C2orf76: variants seen among roughly 807,000 people sequenced by gnomAD.
C2orf76 encodes chromosome 2 open reading frame 76.
A neutral mutation model predicts 16.9 loss-of-function variants in C2orf76; 23 were observed. The ratio of observed to expected loss-of-function variants is 1.36; its 90% CI spans 0.98 to 1.93. The LOEUF is 1.93. Among genes scored for constraint, C2orf76 ranks in the 30% most tolerant of loss-of-function variants. C2orf76 has a pLI of 0.00. For synonymous variants in C2orf76, 48 were observed against 52.3 expected (o/e 0.92, Z 0.35); for missense variants, 152 against 152.6 (o/e 1.00, Z 0.02).
the C2orf76 span, among the ~76,000 whole-genome samples, chr2:119,285,497 G>C: frequency 0.33 from 49,699 of 152,018 alleles, 8,338 homozygotes; most frequent in Non-Finnish European, 0.38. Context: ...TTCATGTGTT[G>C]CGTCCTCAGT....
At chr2:119,357,291 T>C (rs866283384) in intron 1 of C2orf76, among the ~76,000 whole-genome samples, 2 of 152,092 alleles carry the variant, frequency 1.3e-5, no homozygotes, top group Admixed American at 1.3e-4. Context: ...CTTATGAATA[T>C]AGACATGAAA....
chr2:119,317,992 G>A (rs541568333), intron 3 of C2orf76, among the ~76,000 whole-genome samples: 5 of 152,026 alleles, frequency 3.3e-5, no homozygotes, highest in South Asian at 4.2e-4. Context: ...TAGGACCACC[G>A]GGAATCTGAG....
chr2:119,350,190 A>G (rs928343761), intron 1 of C2orf76, among the ~76,000 whole-genome samples: 3 of 152,038 alleles, frequency 2.0e-5, no homozygotes, highest in Admixed American at 2.0e-4. Context: ...ATCTTGCACT[A>G]GAGACACAGG....
At chr2:119,340,019 T>C in intron 1 of C2orf76, 48 bp from the exon 2 acceptor site, 6 of 1,580,442 alleles carry the variant, frequency 3.8e-6, no homozygotes, top group Non-Finnish European at 5.2e-6. Flanking sequence ...AGCTCACAGT[T>C]GTCTACCAGC....
At chr2:119,334,510 G>C (rs568003554) in intron 2 of C2orf76, among the ~76,000 whole-genome samples, 1 of 150,418 alleles carries the variant, frequency 6.6e-6, no homozygotes, top group Non-Finnish European at 1.5e-5. Flanking sequence ...GGGCAACACA[G>C]CAAAACCCCG....
intron 1 of C2orf76, among the ~76,000 whole-genome samples, chr2:119,345,092 T>C (rs1388933918): frequency 6.6e-6 from 1 of 152,132 alleles, no homozygotes; most frequent in East Asian, 1.9e-4. Flanking sequence ...TTTATAATCT[T>C]AAGATAGGAA....
chr2:119,305,062 T>C (rs1573616326), intron 5 of C2orf76, among the ~76,000 whole-genome samples: 1 of 152,210 alleles, frequency 6.6e-6, no homozygotes, highest in Non-Finnish European at 1.5e-5. Context: ...TGCAGTCAGG[T>C]GCAGAGTGCC....
intron 1 of C2orf76, among the ~76,000 whole-genome samples, chr2:119,351,414 G>C (rs533033563): frequency 1.3e-5 from 2 of 152,206 alleles, no homozygotes; most frequent in Admixed American, 1.3e-4. Context: ...GCAATAAATA[G>C]TCCACAAACT....
At chr2:119,317,629 T>C (rs1679214617) in intron 3 of C2orf76, 126 bp from the exon 4 acceptor site, 1 of 619,262 alleles carries the variant, frequency 1.6e-6, no homozygotes, top group African/African-American at 1.9e-5. Context: ...ACCAGACTCA[T>C]TTAGAAATAT....
At chr2:119,358,349 G>GCCAC (rs1308683537) in intron 1 of C2orf76, among the ~76,000 whole-genome samples, 1 of 152,130 alleles carries the variant, frequency 6.6e-6, no homozygotes, top group Non-Finnish European at 1.5e-5. Flanking sequence ...GGCCTAGGTG[G>GCCAC]GTGGATCACC....
At chr2:119,360,065 G>A (rs757512392) in intron 1 of C2orf76, among the ~76,000 whole-genome samples, 3 of 152,110 alleles carry the variant, frequency 2.0e-5, no homozygotes, top group Non-Finnish European at 4.4e-5. Flanking sequence ...AGCAACCACC[G>A]CACCAATCAG....
Position 119,302,509 on chromosome 2 carries a change from T to C in C2orf76, c.344A>G (p.Tyr115Cys). The change falls in exon 6 of 6, where the codon TAT becomes TGT. Residue 115 changes from tyrosine to cysteine, a missense_variant. By Grantham distance (194) the Tyr-to-Cys change is radical. Transcript: ENST00000334816. Reference sequence around the variant, plus strand: ...AATGGGATTAGCTTTGTAGTTCTTATAATCTTCTTCACAGAAGAATGCAAT... The same window carrying C: ...AATGGGATTAGCTTTGTAGTTCTTACAATCTTCTTCACAGAAGAATGCAAT... ...TEIAFFCEEDYKNYKANPISS... is the reference protein window; with the variant it reads ...TEIAFFCEEDCKNYKANPISS... The C allele has an allele frequency of 1.3e-6, 2 of 1,511,734 alleles. No homozygotes were observed. The highest frequency in any genetic ancestry group is 1.8e-6 in the Non-Finnish European group (2 of 1,113,880). The allele number at this position is 1,511,734 out of a possible 1,614,324, so 93.6% of individuals were successfully genotyped here.
the C2orf76 span, among the ~76,000 whole-genome samples, chr2:119,288,697 C>T: frequency 6.6e-6 from 1 of 152,026 alleles, no homozygotes; most frequent in Non-Finnish European, 1.5e-5. Context: ...TGGCAGAAAG[C>T]ACCATCCACC....
At chr2:119,305,327 C>T (rs1199881226) in intron 5 of C2orf76, among the ~76,000 whole-genome samples, 1 of 151,990 alleles carries the variant, frequency 6.6e-6, no homozygotes, top group African/African-American at 2.4e-5. Context: ...TTAACAGGAA[C>T]ATAATGATAA....
chr2:119,364,791 A>C (rs1680870847), intron 1 of C2orf76, among the ~76,000 whole-genome samples: 1 of 152,198 alleles, frequency 6.6e-6, no homozygotes, highest in Non-Finnish European at 1.5e-5. Flanking sequence ...AGCAATATTC[A>C]ATCAAGGCCA....
the C2orf76 span, among the ~76,000 whole-genome samples, chr2:119,296,425 G>A: frequency 2.0e-5 from 3 of 152,194 alleles, no homozygotes; most frequent in East Asian, 1.9e-4. Flanking sequence ...ATGTGTACAC[G>A]TACAGTGAGA....
At chr2:119,309,828 T>G (rs193035351) in intron 5 of C2orf76, among the ~76,000 whole-genome samples, 2 of 152,354 alleles carry the variant, frequency 1.3e-5, no homozygotes, top group African/African-American at 2.4e-5. Flanking sequence ...TAGTCAAATT[T>G]ATCACTTCTC....
the C2orf76 span, among the ~76,000 whole-genome samples, chr2:119,293,335 G>A: frequency 7.2e-5 from 11 of 152,334 alleles, no homozygotes; most frequent in South Asian, 2.1e-4. Flanking sequence ...TGCAAAAAAT[G>A]TAGAAAAGTC....
intron 2 of C2orf76, among the ~76,000 whole-genome samples, chr2:119,334,187 A>G (rs1679764690): frequency 6.6e-6 from 1 of 152,156 alleles, no homozygotes; most frequent in South Asian, 2.1e-4. Context: ...AGATACAGAG[A>G]TAAGAACAAA....
Sources: gnomAD v4.1 joint callset for allele counts (sites outside exome capture counted in the v4.1 genomes callset) on GRCh38, gnomAD v4.1.1 for gene constraint, MANE v1.5 for transcripts, NCBI Gene and HGNC (gene_info 2026-07-23, HGNC 2026-07-21) for gene names.